The following RNF2 variants were observed in gnomAD, a reference collection of about 807,000 sequenced individuals.
The protein encoded by RNF2 is ring finger protein 2.
In RNF2, 6 loss-of-function variants were observed where a neutral mutation model predicts 37.2. That is an observed-to-expected ratio of 0.16 (90% CI 0.09 to 0.32). The LOEUF is 0.32. Among genes scored for constraint, RNF2 ranks in the 10% least tolerant of loss-of-function variants. RNF2 has a pLI of 1.00. For synonymous variants in RNF2, 133 were observed against 132.7 expected, an observed-to-expected ratio of 1.00 and a Z score of -0.02; for missense variants, 251 against 404.0, an observed-to-expected ratio of 0.62 and a Z score of 3.25.
At chr1:185,091,816 T>C in intron 3 of RNF2, 77 bp downstream of exon 3, 1 of 1,388,550 alleles carries the variant, frequency 7.2e-7, no homozygotes, top group East Asian at 2.3e-5. Flanking sequence ...GAAATACATT[T>C]TCTTTTTTTT....
chr1:185,072,593 G>T (rs968291925), intron 1 of RNF2, among the ~76,000 whole-genome samples: 1 of 152,010 alleles, frequency 6.6e-6, no homozygotes, highest in Non-Finnish European at 1.5e-5. Context: ...ACTAGCTAGT[G>T]GAAGGACTCT....
At chr1:185,047,137 T>C (rs528408514) in intron 1 of RNF2, among the ~76,000 whole-genome samples, 24 of 152,356 alleles carry the variant, frequency 1.6e-4, no homozygotes, top group African/African-American at 5.5e-4. Flanking sequence ...ATATGGTCCC[T>C]CACTTTTTGT....
intron 1 of RNF2, among the ~76,000 whole-genome samples, chr1:185,057,000 C>T (rs112862343): frequency 1.8e-4 from 28 of 152,072 alleles, no homozygotes; most frequent in African/African-American, 6.3e-4. Flanking sequence ...ATATGTAGAT[C>T]TAAATTTATG....
intron 1 of RNF2, among the ~76,000 whole-genome samples, chr1:185,067,646 A>G (rs1474543132): frequency 6.6e-6 from 1 of 151,908 alleles, no homozygotes; most frequent in East Asian, 1.9e-4. Context: ...GGAAGTGTAT[A>G]TCAAACAAAT....
chr1:185,059,818 C>T (rs1432441011), intron 1 of RNF2, among the ~76,000 whole-genome samples: 1 of 152,142 alleles, frequency 6.6e-6, no homozygotes, highest in Non-Finnish European at 1.5e-5. Context: ...AATTCCTTAG[C>T]TGGTTTTTGA....
chr1:185,057,275 C>G (rs952093652), intron 1 of RNF2, among the ~76,000 whole-genome samples: 1 of 152,092 alleles, frequency 6.6e-6, no homozygotes, highest in African/African-American at 2.4e-5. Flanking sequence ...CACACTGTTT[C>G]ACTCTAGCCT....
rs766992965 is a variant in RNF2 at position 185,093,162 on chromosome 1, G to A, written c.350G>A (p.Arg117His). 6.2e-7 allele frequency: 1 copy of A among 1,614,006 alleles called. No homozygotes were observed. The highest frequency in any genetic ancestry group is 1.1e-5 in the South Asian group (1 of 91,082). ...DALISKIYPS[R>H]DEYEAHQERV... ...CTCATCAGCAAAATTTATCCAAGTC[G>A]TGATGAGTATGAAGCTCATCAAGAG... is the stretch of plus-strand genomic sequence containing the variant. Residue 117 changes from arginine (R) to histidine (H), a missense_variant, in exon 4 of 7, where the codon CGT becomes CAT. Coordinates refer to ENST00000367510, the MANE Select transcript of RNF2 (RefSeq NM_007212.4).
At chr1:185,083,301 T>C (rs1371593001) in intron 1 of RNF2, among the ~76,000 whole-genome samples, 1 of 152,186 alleles carries the variant, frequency 6.6e-6, no homozygotes, top group African/African-American at 2.4e-5. Context: ...TTTTCTCAGG[T>C]TCTTTGAATG....
intron 1 of RNF2, among the ~76,000 whole-genome samples, chr1:185,072,217 G>A (rs1014824294): frequency 2.0e-5 from 3 of 152,114 alleles, no homozygotes; most frequent in African/African-American, 7.2e-5. Flanking sequence ...CAAGGTGACT[G>A]TGAAGAATAT....
chr1:185,061,557 G>A (rs1218716257), intron 1 of RNF2, among the ~76,000 whole-genome samples: 1 of 152,148 alleles, frequency 6.6e-6, no homozygotes, highest in African/African-American at 2.4e-5. Context: ...GCAGGTGGAT[G>A]TGGAGAAGTA....
At chr1:185,085,071 C>T (rs917985730) in intron 1 of RNF2, among the ~76,000 whole-genome samples, 1 of 151,150 alleles carries the variant, frequency 6.6e-6, no homozygotes, top group East Asian at 1.9e-4. Context: ...CCAACGCATA[C>T]TTTTCTTTCT....
chr1:185,065,150 T>G (rs1650762921), intron 1 of RNF2, among the ~76,000 whole-genome samples: 1 of 152,100 alleles, frequency 6.6e-6, no homozygotes, highest in Admixed American at 6.5e-5. Context: ...GCTAAAGGAT[T>G]GTAAATTTAC....
In RNF2 at chr1:185,100,427, C is replaced by G. The variant is rs1344867657; in HGVS notation, c.*126C>G. On this transcript the variant is annotated 3_prime_UTR_variant, in exon 7 of 7. Coordinates refer to ENST00000367510, the MANE Select transcript of RNF2 (RefSeq NM_007212.4). ...TGTTCAATTTTCTTTCTGAGCCAGA[C>G]TAGTTTACGCTATTCAAATCTTTTC... 1.0e-5 allele frequency: 5 copies of G among 497,958 alleles called. No individual in the cohort carries two copies. The highest frequency in any genetic ancestry group is 1.8e-5 in the Non-Finnish European group (5 of 284,550). The allele number at this position is 497,958 out of a possible 1,614,324, so 30.8% of individuals were successfully genotyped here. A position where few individuals can be genotyped will look rare whatever the true frequency, so the allele number is the denominator to read the frequency against.
At chr1:185,088,334 G>T (rs1651662058) in intron 2 of RNF2, among the ~76,000 whole-genome samples, 1 of 152,082 alleles carries the variant, frequency 6.6e-6, no homozygotes, top group African/African-American at 2.4e-5. Context: ...GAGATTGAGA[G>T]AGAGGGGGGA....
chr1:185,062,992 T>C (rs947764464), intron 1 of RNF2, among the ~76,000 whole-genome samples: 2 of 152,206 alleles, frequency 1.3e-5, no homozygotes, highest in African/African-American at 4.8e-5. Context: ...TATAATAATT[T>C]AGCAGTATTT....
At chr1:185,058,450 A>T (rs1410452875) in intron 1 of RNF2, among the ~76,000 whole-genome samples, 1 of 152,190 alleles carries the variant, frequency 6.6e-6, no homozygotes, top group Non-Finnish European at 1.5e-5. Flanking sequence ...GATTCTTAAG[A>T]GGAATGTAGA....
At chr1:185,070,725 G>A (rs1387394987) in intron 1 of RNF2, among the ~76,000 whole-genome samples, 5 of 147,264 alleles carry the variant, frequency 3.4e-5, no homozygotes, top group East Asian at 2.0e-4. Flanking sequence ...TGCAAGTTCC[G>A]CCTCCCGGGT....
intron 1 of RNF2, among the ~76,000 whole-genome samples, chr1:185,085,363 C>G (rs988460898): frequency 3.3e-5 from 5 of 151,788 alleles, no homozygotes; most frequent in African/African-American, 1.2e-4. Flanking sequence ...GTCTCGATCT[C>G]CTGACTTCAT....
At chr1:185,070,888 G>A (rs955191003) in intron 1 of RNF2, among the ~76,000 whole-genome samples, 38 of 151,914 alleles carry the variant, frequency 2.5e-4, no homozygotes, top group African/African-American at 7.3e-5. Flanking sequence ...CGCCCGCCTC[G>A]GCCTCCCAAA....
Sources: gnomAD v4.1 joint callset for allele counts (sites outside exome capture counted in the v4.1 genomes callset) on GRCh38, gnomAD v4.1.1 for gene constraint, MANE v1.5 for transcripts, NCBI Gene and HGNC (gene_info 2026-07-23, HGNC 2026-07-21) for gene names.